The following GRIA1 variants were observed in gnomAD, a reference collection of about 807,000 sequenced individuals.
GRIA1 encodes glutamate ionotropic receptor AMPA type subunit 1.
In GRIA1, 31 loss-of-function variants were observed where a neutral mutation model predicts 99.2. The ratio of observed to expected loss-of-function variants is 0.31; its 90% CI spans 0.23 to 0.42. The LOEUF is 0.42. GRIA1 is among the 10% of genes least tolerant of loss of function. The pLI is 1.00. For missense variants in GRIA1, 782 were observed against 1,157.5 expected (o/e 0.68, Z 4.71); for synonymous variants, 438 against 432.4 (o/e 1.01, Z -0.16).
intron 14 of GRIA1, among the ~76,000 whole-genome samples, chr5:153,800,237 A>G (rs1765919498): frequency 6.6e-6 from 1 of 152,150 alleles, no homozygotes. Context: ...GTTTGAGCTG[A>G]TAATACATGC....
intron 13 of GRIA1, among the ~76,000 whole-genome samples, chr5:153,780,494 C>T (rs1387345518): frequency 6.6e-6 from 1 of 152,202 alleles, no homozygotes; most frequent in Non-Finnish European, 1.5e-5. Context: ...ATGTAAAAAA[C>T]TGGAGGTAAC....
At chr5:153,512,504 C>T (rs768245801) in intron 2 of GRIA1, among the ~76,000 whole-genome samples, 2 of 152,168 alleles carry the variant, frequency 1.3e-5, no homozygotes, top group Admixed American at 6.5e-5. Context: ...CAAGTGAGTA[C>T]AACATTTGGT....
chr5:153,620,053 C>T (rs576087250), intron 2 of GRIA1, among the ~76,000 whole-genome samples: 123 of 152,072 alleles, frequency 8.1e-4, no homozygotes, highest in Admixed American at 2.4e-3. Flanking sequence ...GTGTGACACA[C>T]CATGAAATGT....
chr5:153,586,021 C>G (rs953387477), intron 2 of GRIA1, among the ~76,000 whole-genome samples: 1 of 151,992 alleles, frequency 6.6e-6, no homozygotes, highest in African/African-American at 2.4e-5. Context: ...GATGTAAAGA[C>G]CTTTACTATG....
Position 153,811,352 on chromosome 5 carries a change from A to G in GRIA1, c.*127A>G. 1.5e-6 allele frequency: 1 copy of G among 662,634 alleles called. No homozygotes were observed. The highest frequency in any genetic ancestry group is 2.7e-6 in the Non-Finnish European group (1 of 370,446). 41.0% of individuals were successfully genotyped at this position (662,634 alleles called of 1,614,324 possible). A position where few individuals can be genotyped will look rare whatever the true frequency, so the allele number is the denominator to read the frequency against. ...ACCAACCACTGCGACCACAAGAAGG[A>G]TGATTCAACAGGTTTTCCTGAAGAA... On this transcript the variant is annotated 3_prime_UTR_variant, in exon 16 of 16. Coordinates refer to ENST00000285900, the MANE Select transcript of GRIA1 (RefSeq NM_000827.4).
At chr5:153,758,928 T>G (rs1246012142) in intron 11 of GRIA1, among the ~76,000 whole-genome samples, 3 of 151,790 alleles carry the variant, frequency 2.0e-5, no homozygotes, top group Non-Finnish European at 4.4e-5. Flanking sequence ...TAGCAATCAA[T>G]AACAAGAGGA....
At chr5:153,667,399 C>T (rs1201328119) in intron 5 of GRIA1, among the ~76,000 whole-genome samples, 1 of 152,178 alleles carries the variant, frequency 6.6e-6, no homozygotes, top group Non-Finnish European at 1.5e-5. Context: ...AGCCTTTCAT[C>T]CTTCGATAGC....
At chr5:153,585,423 C>T (rs957964022) in intron 2 of GRIA1, among the ~76,000 whole-genome samples, 3 of 147,954 alleles carry the variant, frequency 2.0e-5, no homozygotes, top group Non-Finnish European at 4.4e-5. Context: ...ATTTTCCTGT[C>T]TCACCCTCCC....
At chr5:153,510,100 C>T (rs994065785) in intron 2 of GRIA1, among the ~76,000 whole-genome samples, 8 of 152,076 alleles carry the variant, frequency 5.3e-5, no homozygotes, top group African/African-American at 1.9e-4. Flanking sequence ...TTTTAGTTCT[C>T]GAGGTCTTGC....
chr5:153,649,833 A>G (rs969783384), intron 3 of GRIA1, among the ~76,000 whole-genome samples: 3 of 152,226 alleles, frequency 2.0e-5, no homozygotes, highest in African/African-American at 7.2e-5. Context: ...TATATTGAAC[A>G]TTCACAAATT....
chr5:153,679,667 C>T (rs1756837078), intron 7 of GRIA1, among the ~76,000 whole-genome samples: 1 of 152,232 alleles, frequency 6.6e-6, no homozygotes, highest in African/African-American at 2.4e-5. Context: ...CTTGAAATAG[C>T]CATGCCACCA....
intron 14 of GRIA1, among the ~76,000 whole-genome samples, chr5:153,801,266 A>G (rs908177596): frequency 6.7e-6 from 1 of 148,392 alleles, no homozygotes; most frequent in Non-Finnish European, 1.5e-5. Flanking sequence ...GAACTCAGGG[A>G]TGATCTCAGG....
At chr5:153,800,960 C>A (rs779703460) in intron 14 of GRIA1, among the ~76,000 whole-genome samples, 1 of 152,224 alleles carries the variant, frequency 6.6e-6, no homozygotes, top group African/African-American at 2.4e-5. Context: ...AACTAGCCAA[C>A]GATGGTGTGT....
At chr5:153,753,291 CA>C (rs1762610754) in intron 11 of GRIA1, among the ~76,000 whole-genome samples, 1 of 152,176 alleles carries the variant, frequency 6.6e-6, no homozygotes, top group African/African-American at 2.4e-5. Flanking sequence ...CACAATACAA[CA>C]ATGGAATAAA....
At chr5:153,622,134 C>G (rs1308711198) in intron 2 of GRIA1, among the ~76,000 whole-genome samples, 3 of 152,120 alleles carry the variant, frequency 2.0e-5, no homozygotes, top group Non-Finnish European at 4.4e-5. Flanking sequence ...ATTCTCGAGC[C>G]CCATCCCAGA....
chr5:153,650,852 AG>A, intron 4 of GRIA1, among the ~76,000 whole-genome samples: 1 of 143,272 alleles, frequency 7.0e-6, no homozygotes, highest in East Asian at 2.2e-4. Flanking sequence ...TGAGGTCAGG[AG>A]TTCAAGACCA....
chr5:153,719,236 G>C (rs934005031), intron 11 of GRIA1, among the ~76,000 whole-genome samples: 35 of 152,030 alleles, frequency 2.3e-4, no homozygotes, highest in African/African-American at 8.5e-4. Context: ...TTTTCTTTGT[G>C]ATTCTGGGCA....
intron 13 of GRIA1, among the ~76,000 whole-genome samples, chr5:153,788,993 C>T (rs1765140690): frequency 1.3e-5 from 2 of 152,146 alleles, no homozygotes; most frequent in Admixed American, 1.3e-4. Context: ...TCCTCCATGA[C>T]TTTTGCCTAT....
chr5:153,499,554 G>T (rs1395437970), intron 2 of GRIA1, among the ~76,000 whole-genome samples: 1 of 133,656 alleles, frequency 7.5e-6, no homozygotes, highest in Non-Finnish European at 1.5e-5. Flanking sequence ...GGCAGAGGTT[G>T]CATTGAGCCA....
Sources: allele counts gnomAD v4.1 joint callset (sites outside exome capture counted in the v4.1 genomes callset), GRCh38; gene constraint gnomAD v4.1.1; transcripts MANE v1.5; gene names NCBI Gene and HGNC (gene_info 2026-07-23, HGNC 2026-07-21).